The following PDS5A variants were observed in gnomAD, a reference collection of about 807,000 sequenced individuals.
PDS5A encodes the protein sister chromatid cohesion protein PDS5 homolog A.
Under a neutral mutation model 167.1 loss-of-function variants are expected in PDS5A, and 42 were observed. That is an observed-to-expected ratio of 0.25 (90% CI 0.20 to 0.33). PDS5A has a LOEUF of 0.33. PDS5A is among the 10% of genes least tolerant of loss of function. The pLI is 1.00. For missense variants in PDS5A, 1,033 were observed against 1,605.9 expected, an observed-to-expected ratio of 0.64 and a Z score of 6.10; for synonymous variants, 553 against 554.6, an observed-to-expected ratio of 1.00 and a Z score of 0.04.
At chr4:39,829,369 G>A (rs1382186081) in intron 32 of PDS5A, among the ~76,000 whole-genome samples, 1 of 152,172 alleles carries the variant, frequency 6.6e-6, no homozygotes, top group African/African-American at 2.4e-5. Context: ...CATCAGCTGA[G>A]GCCGGGCATG....
At chr4:39,925,798 A>G (rs1725403531) in intron 5 of PDS5A, 38 bp downstream of exon 5, 2 of 797,782 alleles carry the variant, frequency 2.5e-6, no homozygotes, top group East Asian at 5.6e-5. Context: ...CATAATCAAG[A>G]AAAAGAGACA....
intron 16 of PDS5A, 156 bp downstream of exon 16, chr4:39,898,233 T>TA: frequency 7.7e-7 from 1 of 1,303,896 alleles, no homozygotes; most frequent in Non-Finnish European, 9.8e-7. Context: ...GAATGGTAAA[T>TA]AGAGAATTAA....
chr4:39,939,391 TAGGAGGGTG>T (rs1727002542), intron 2 of PDS5A, among the ~76,000 whole-genome samples: 1 of 151,978 alleles, frequency 6.6e-6, no homozygotes, highest in South Asian at 2.1e-4. Flanking sequence ...CGCTTGAACC[TAGGAGGGTG>T]AGGCTGTAAT....
At chr4:39,880,836 T>C (rs1476122070) in intron 17 of PDS5A, among the ~76,000 whole-genome samples, 6 of 152,302 alleles carry the variant, frequency 3.9e-5, no homozygotes, top group East Asian at 1.9e-4. Context: ...TTTGAAACTA[T>C]GTTATTGTTA....
chr4:39,976,452 G>T lies in PDS5A; in HGVS notation c.126C>A (p.Ile42=). The T allele has an allele frequency of 6.2e-7, 1 of 1,612,800 alleles. No individual in the cohort carries two copies. Among genetic ancestry groups the T allele is most frequent in the Non-Finnish European group, 8.5e-7 (1 of 1,179,016 alleles). Residue 42 remains isoleucine (I), a synonymous_variant, in exon 2 of 33, where the codon ATC becomes ATA. Coordinates refer to ENST00000303538, the MANE Select transcript of PDS5A (RefSeq NM_001100399.2). ...ITDKITTDEM[I]KRLKMVVKTF... is the part of the protein sequence containing the mutation. ...TCCAGACACTTACCTTCAGGCGTTT[G>T]ATCATCTCGTCCGTGGTGATCTTGT...
rs182499825 is a variant in PDS5A at position 39,968,728 on chromosome 4, G to A, written c.138+7712C>T. ...ATTACATGCATGAGCCACTGTGCCC[G>A]GCCTGTAATATGAATTTTTTAAAAA... On this transcript the variant is annotated intron_variant, in intron 2 of 32. Coordinates refer to ENST00000303538, the MANE Select transcript of PDS5A (RefSeq NM_001100399.2). 2.0e-4 allele frequency among the ~76,000 whole-genome samples: 30 copies of A among 151,706 alleles called. No individual in the cohort carries two copies. In the East Asian group the frequency reaches 2.3e-3, roughly 12 times the overall value.
intron 2 of PDS5A, among the ~76,000 whole-genome samples, chr4:39,939,843 T>C (rs1727058621): frequency 6.6e-6 from 1 of 152,106 alleles, no homozygotes. Flanking sequence ...TATTAAGGTA[T>C]AGCTGAACTA....
rs999728929 is a variant in PDS5A at position 39,976,634 on chromosome 4, C to G, written c.-40-17G>C. On this transcript the variant is annotated splice_polypyrimidine_tract_variant and intron_variant, in intron 1 of 32. Transcript: ENST00000303538. ...TACCGGCCTCTATCGGTCAGAAAAC[C>G]AAAGTTCAGCGGGAAAGGGGCGACT... The G allele has an allele frequency of 2.1e-6, 3 of 1,422,858 alleles. No homozygotes were observed. Among genetic ancestry groups the G allele is most frequent in the Admixed American group, 2.0e-5 (1 of 51,018 alleles). 88.1% of individuals were successfully genotyped at this position (1,422,858 alleles called of 1,614,324 possible).
intron 26 of PDS5A, among the ~76,000 whole-genome samples, chr4:39,853,840 TGCTTTACTACAGCTGCCCCTGCCAA>T (rs1386625094): frequency 6.6e-6 from 1 of 152,262 alleles, no homozygotes; most frequent in African/African-American, 2.4e-5. Flanking sequence ...TCACCTGCAT[TGCTTTACTACAGCTGCCCCTGCCAA>T]GGTTATCAGT....
intron 22 of PDS5A, among the ~76,000 whole-genome samples, chr4:39,867,742 AC>A: frequency 1.4e-5 from 1 of 70,788 alleles, no homozygotes; most frequent in South Asian, 6.2e-4. Flanking sequence ...AAACACACAC[AC>A]ACACACACAC....
chr4:39,850,737 G>A lies in PDS5A; in HGVS notation c.3087-1085C>T, dbSNP rs1206180579. On this transcript the variant is annotated intron_variant, in intron 26 of 32. Coordinates refer to ENST00000303538, the MANE Select transcript of PDS5A (RefSeq NM_001100399.2). ...CTTTTGCTATTCCACACTTGTCACT[G>A]TATATTCATTTAACACATTGTGTCT... Among the ~76,000 whole-genome samples, 4 of 152,164 alleles carry A rather than the reference G, an allele frequency of 2.6e-5. No homozygotes were observed. In the East Asian group the frequency reaches 5.8e-4, roughly 22 times the overall value.
In PDS5A at chr4:39,914,158, ATTTG is replaced by A. The variant is rs771206763; in HGVS notation, c.877-436_877-433del. ...CATCAATTAAAGTTTTGATATACAA[ATTTG>A]TTTTTTTTTTTTTTTTTTTGAGGAG... On this transcript the variant is annotated intron_variant, in intron 8 of 32. Transcript: ENST00000303538. 1.5e-3 allele frequency among the ~76,000 whole-genome samples: 206 copies of A among 133,382 alleles called. 6 individuals carry two copies. The highest frequency in any genetic ancestry group is 0.013 in the Middle Eastern group (3 of 232). 87.5% of individuals were successfully genotyped at this position (133,382 alleles called of 152,430 possible).
intron 21 of PDS5A, among the ~76,000 whole-genome samples, chr4:39,872,331 A>T (rs765172993): frequency 1.1e-4 from 16 of 151,962 alleles, no homozygotes; most frequent in Non-Finnish European, 2.2e-4. Flanking sequence ...TGCCGTCACC[A>T]CACCCGGCTA....
chr4:39,955,529 G>A (rs1466187467), intron 2 of PDS5A, among the ~76,000 whole-genome samples: 1 of 151,918 alleles, frequency 6.6e-6, no homozygotes, highest in African/African-American at 2.4e-5. Context: ...GAACCCGGGG[G>A]AGCGGAGGTT....
intron 2 of PDS5A, among the ~76,000 whole-genome samples, chr4:39,939,269 C>G (rs1726992705): frequency 6.6e-6 from 1 of 151,992 alleles, no homozygotes. Flanking sequence ...GGAGACCAAC[C>G]TGGGCAACAT....
At chr4:39,849,451 A>C in intron 27 of PDS5A, 69 bp downstream of exon 27, 1 of 1,149,902 alleles carries the variant, frequency 8.7e-7, no homozygotes, top group Non-Finnish European at 1.2e-6. Flanking sequence ...AAAAAAAAAA[A>C]AAAAACCAAG....
chr4:39,951,574 C>A (rs1424832280), intron 2 of PDS5A, among the ~76,000 whole-genome samples: 1 of 150,834 alleles, frequency 6.6e-6, no homozygotes, highest in African/African-American at 2.4e-5. Flanking sequence ...CTCAGAAGAA[C>A]ATCTCAGCAA....
intron 23 of PDS5A, among the ~76,000 whole-genome samples, chr4:39,866,651 G>A (rs1719480680): frequency 6.6e-6 from 1 of 152,122 alleles, no homozygotes; most frequent in African/African-American, 2.4e-5. Flanking sequence ...ACTGGAAAAA[G>A]TTCCTCTTCT....
At chr4:39,833,191 C>CAAAAAAAAAAAAAAAAAAA (rs1166233113) in intron 32 of PDS5A, among the ~76,000 whole-genome samples, 2 of 37,928 alleles carry the variant, frequency 5.3e-5, no homozygotes, top group African/African-American at 1.3e-4. Flanking sequence ...AACTCCGTCT[C>CAAAAAAAAAAAAAAAAAAA]AAAAAAAAAA....
Sources: gnomAD v4.1 joint callset for allele counts (sites outside exome capture counted in the v4.1 genomes callset) on GRCh38, gnomAD v4.1.1 for gene constraint, MANE v1.5 for transcripts, NCBI Gene and HGNC (gene_info 2026-07-23, HGNC 2026-07-21) for gene names.